DOK5: variants seen among roughly 807,000 people sequenced by gnomAD.
The protein encoded by DOK5 is docking protein 5.
DOK5 carries 27 observed loss-of-function variants against 43.3 expected under a neutral mutation model. That is an observed-to-expected ratio of 0.62 (90% CI 0.46 to 0.86). The LOEUF (loss-of-function observed/expected upper bound fraction) is 0.86. Ranked by LOEUF, DOK5 falls within the 40% of genes least tolerant of loss-of-function variation. The pLI is 0.00. For synonymous variants in DOK5, 146 were observed against 140.1 expected (o/e 1.04, Z -0.30); for missense variants, 373 against 392.9 (o/e 0.95, Z 0.43).
At chr20:54,529,955 T>C (rs1421061937) in intron 1 of DOK5, among the ~76,000 whole-genome samples, 1 of 152,276 alleles carries the variant, frequency 6.6e-6, no homozygotes, top group Non-Finnish European at 1.5e-5. Flanking sequence ...GACCACATTT[T>C]GTTTATCTAT....
At chr20:54,529,591 C>T (rs559124101) in intron 1 of DOK5, among the ~76,000 whole-genome samples, 1 of 151,878 alleles carries the variant, frequency 6.6e-6, no homozygotes, top group African/African-American at 2.4e-5. Flanking sequence ...CCATAAGATT[C>T]ATCCTTTTAA....
chr20:54,596,850 G>C (rs538908267), intron 5 of DOK5, among the ~76,000 whole-genome samples: 2 of 152,126 alleles, frequency 1.3e-5, no homozygotes, highest in African/African-American at 4.8e-5. Flanking sequence ...GATAATCCCA[G>C]GTTTTATGTG....
At chr20:54,607,932 G>T (rs1986524818) in intron 5 of DOK5, among the ~76,000 whole-genome samples, 1 of 149,574 alleles carries the variant, frequency 6.7e-6, no homozygotes, top group Non-Finnish European at 1.5e-5. Flanking sequence ...AAAACAAAGT[G>T]GGCATTGGGT....
At chr20:54,491,503 G>C (rs920497467) in intron 1 of DOK5, among the ~76,000 whole-genome samples, 4 of 152,182 alleles carry the variant, frequency 2.6e-5, no homozygotes, top group African/African-American at 9.7e-5. Context: ...TGGTAGAAGA[G>C]AAACCTGGCC....
At chr20:54,512,759 A>G (rs1174521621) in intron 1 of DOK5, among the ~76,000 whole-genome samples, 3 of 152,234 alleles carry the variant, frequency 2.0e-5, no homozygotes, top group African/African-American at 7.2e-5. Flanking sequence ...CAGTCACTAC[A>G]TAGCTGCTGT....
At chr20:54,613,997 T>C (rs1172133689) in intron 6 of DOK5, among the ~76,000 whole-genome samples, 2 of 149,750 alleles carry the variant, frequency 1.3e-5, no homozygotes, top group Non-Finnish European at 3.0e-5. Context: ...CCATCTCTAA[T>C]ATATATACAT....
chr20:54,522,374 C>G (rs936334811), intron 1 of DOK5, among the ~76,000 whole-genome samples: 1 of 152,036 alleles, frequency 6.6e-6, no homozygotes, highest in Non-Finnish European at 1.5e-5. Flanking sequence ...GAATTACTTA[C>G]GTGAATTAAA....
intron 2 of DOK5, among the ~76,000 whole-genome samples, chr20:54,562,006 C>G (rs1984924790): frequency 6.6e-6 from 1 of 152,178 alleles, no homozygotes; most frequent in African/African-American, 2.4e-5. Flanking sequence ...CACCAGAGTC[C>G]TAGCTATTAG....
intron 1 of DOK5, among the ~76,000 whole-genome samples, chr20:54,550,755 T>A (rs1264775906): frequency 6.6e-6 from 1 of 152,204 alleles, no homozygotes; most frequent in Non-Finnish European, 1.5e-5. Context: ...AGTATTCCAT[T>A]GTATGGAGGA....
chr20:54,570,982 C>G (rs539812355), intron 2 of DOK5, among the ~76,000 whole-genome samples: 36 of 152,264 alleles, frequency 2.4e-4, no homozygotes, highest in African/African-American at 8.7e-4. Context: ...TCAATGAATA[C>G]TATCATTTAT....
chr20:54,545,987 C>T (rs1353626044), intron 1 of DOK5, among the ~76,000 whole-genome samples: 3 of 152,168 alleles, frequency 2.0e-5, no homozygotes, highest in Admixed American at 6.5e-5. Context: ...CGACCATCAG[C>T]CTGAGTTTAT....
intron 1 of DOK5, among the ~76,000 whole-genome samples, chr20:54,535,600 T>C (rs1286010761): frequency 6.6e-6 from 1 of 152,122 alleles, no homozygotes; most frequent in African/African-American, 2.4e-5. Context: ...ATATATTCTA[T>C]ATTTGTTTTA....
At chr20:54,496,534 A>G (rs576851082) in intron 1 of DOK5, among the ~76,000 whole-genome samples, 17 of 152,208 alleles carry the variant, frequency 1.1e-4, no homozygotes, top group African/African-American at 2.6e-4. Context: ...TTGGGAGGCC[A>G]AGGCGGGTGG....
intron 1 of DOK5, among the ~76,000 whole-genome samples, chr20:54,484,632 G>A (rs1199248328): frequency 6.6e-6 from 1 of 152,100 alleles, no homozygotes; most frequent in Non-Finnish European, 1.5e-5. Flanking sequence ...TTATATAGCT[G>A]CCCCTCCTGC....
At chr20:54,565,050 C>A (rs952466792) in intron 2 of DOK5, among the ~76,000 whole-genome samples, 2 of 152,122 alleles carry the variant, frequency 1.3e-5, no homozygotes, top group Admixed American at 1.3e-4. Context: ...AATTTCACTG[C>A]CTGAAAAGGG....
rs188246563 is a variant in DOK5, at chr20:54,485,239, C to T, written c.66+9227C>T. On this transcript the variant is annotated intron_variant, in intron 1 of 7. Coordinates refer to ENST00000262593, the MANE Select transcript of DOK5 (RefSeq NM_018431.5). ...CTGAGGCAGGAGAATCACTTGAACC[C>T]GGATGGCGGAGGTTGCAGTGAGCGG... is the stretch of plus-strand genomic sequence containing the variant. 3.0e-4 allele frequency among the ~76,000 whole-genome samples: 46 copies of T among 151,666 alleles called. No homozygotes were observed. In the East Asian group the frequency reaches 7.4e-3, roughly 24 times the overall value.
intron 7 of DOK5, among the ~76,000 whole-genome samples, chr20:54,647,256 G>A (rs987155701): frequency 6.6e-6 from 1 of 152,176 alleles, no homozygotes; most frequent in Non-Finnish European, 1.5e-5. Flanking sequence ...TGTAATCACA[G>A]CACTTTGGGA....
At chr20:54,522,552 C>A (rs149418492) in intron 1 of DOK5, among the ~76,000 whole-genome samples, 2 of 149,846 alleles carry the variant, frequency 1.3e-5, no homozygotes, top group African/African-American at 4.9e-5. Context: ...CAGAGCCTCG[C>A]TCTGTTGTCC....
At chr20:54,633,882 C>T (rs6014093) in intron 6 of DOK5, among the ~76,000 whole-genome samples, 3,880 of 152,222 alleles carry the variant, frequency 0.025, 162 homozygotes, top group African/African-American at 0.089. Flanking sequence ...GATTGACTGT[C>T]GCAGAAAACA....
Sources: gnomAD v4.1 joint callset for allele counts (sites outside exome capture counted in the v4.1 genomes callset) on GRCh38, gnomAD v4.1.1 for gene constraint, MANE v1.5 for transcripts, NCBI Gene and HGNC (gene_info 2026-07-23, HGNC 2026-07-21) for gene names.